MACF1: variants seen among roughly 807,000 people sequenced by gnomAD.
The protein encoded by MACF1 is microtubule actin crosslinking factor 1.
In MACF1, 193 loss-of-function variants were observed where a neutral mutation model predicts 854.8. That is an observed-to-expected ratio of 0.23 (90% CI 0.20 to 0.25). MACF1 has a LOEUF of 0.25. MACF1 is among the 10% of genes least tolerant of loss of function. The pLI is 1.00. For missense variants in MACF1, 7,722 were observed against 8,929.1 expected (o/e 0.86, Z 5.45); for synonymous variants, 3,185 against 3,226.7 (o/e 0.99, Z 0.44).
intron 1 of MACF1, among the ~76,000 whole-genome samples, chr1:39,205,738 T>G (rs1644442604): frequency 6.6e-6 from 1 of 152,130 alleles, no homozygotes; most frequent in African/African-American, 2.4e-5. Context: ...ATCATCTTGT[T>G]CAATGCAAGG....
intron 15 of MACF1, among the ~76,000 whole-genome samples, chr1:39,291,231 C>T (rs1214266581): frequency 6.6e-6 from 1 of 152,180 alleles, no homozygotes; most frequent in Non-Finnish European, 1.5e-5. Flanking sequence ...CCTGCCTCAG[C>T]CCCCCAAAGT....
intron 2 of MACF1, among the ~76,000 whole-genome samples, chr1:39,239,295 A>G (rs1644894878): frequency 1.3e-5 from 2 of 151,874 alleles, no homozygotes. Context: ...AAACAAACAA[A>G]CAAACAAACA....
chr1:39,223,132 G>T (rs1557526946), intron 1 of MACF1, among the ~76,000 whole-genome samples: 1 of 152,234 alleles, frequency 6.6e-6, no homozygotes, highest in African/African-American at 2.4e-5. Context: ...AGTAGTCAGA[G>T]AAGGGGAGAG....
chr1:39,159,789 A>G (rs1643759115), intron 2 of MACF1, among the ~76,000 whole-genome samples: 2 of 152,030 alleles, frequency 1.3e-5, no homozygotes, highest in Non-Finnish European at 2.9e-5. Flanking sequence ...TTTCATCAGT[A>G]GTTAGGATTC....
Position 39,317,316 on chromosome 1 carries a change from C to G in MACF1, c.3691C>G (p.Pro1231Ala), listed in dbSNP as rs370839433. ...VVAEQMSRLT[P>A]ERNLDLERYQ... ...GGCAGAGCAGATGAGTCGTCTGACA[C>G]CAGAGCGAAATCTGGATTTGGAGCG... Residue 1231 changes from proline to alanine, a missense_variant, in exon 29 of 101, where the codon CCA (proline) becomes GCA (alanine). Physicochemically the swap from Pro to Ala is conservative, Grantham distance 27 (BLOSUM62 -1). Transcript: ENST00000564288. The G allele has an allele frequency of 6.2e-7, 1 of 1,614,060 alleles. No homozygotes were observed. Among genetic ancestry groups the G allele is most frequent in the Non-Finnish European group, 8.5e-7 (1 of 1,180,016 alleles).
At position 39,387,985 on chromosome 1, in the gene MACF1, A is replaced by G; in HGVS notation, c.15143A>G (p.Asn5048Ser). The G allele has an allele frequency of 6.2e-7, 1 of 1,614,096 alleles. No individual in the cohort carries two copies. The highest frequency in any genetic ancestry group is 8.5e-7 in the Non-Finnish European group (1 of 1,180,024). ...GGTTCTCAAGCCTGTAGCAACAAGA[A>G]CCTGGAGAAGCTAAGAGCTCAACAG... The part of the protein sequence containing the change: ...ALGSQACSNK[N>S]LEKLRAQQEV... Residue 5048 changes from asparagine to serine, a missense_variant, in exon 58 of 101, where the codon AAC (asparagine) becomes AGC (serine). Physicochemically the swap from Asn to Ser is conservative, Grantham distance 46. Around this residue, in one of 15 missense-constraint regions of MACF1, gnomAD observed 2,807 missense variants for 3,235.8 expected, o/e 0.87. Transcript: ENST00000564288.
At chr1:39,417,417 A>G (rs1311674917) in intron 58 of MACF1, among the ~76,000 whole-genome samples, 1 of 152,222 alleles carries the variant, frequency 6.6e-6, no homozygotes, top group African/African-American at 2.4e-5. Context: ...TTTTTAAGCA[A>G]AAATTGGAGA....
chr1:39,295,248 A>G, intron 19 of MACF1, 98 bp downstream of exon 19: 1 of 979,096 alleles, frequency 1.0e-6, no homozygotes, highest in Non-Finnish European at 1.6e-6. Context: ...GACTTGGAGG[A>G]AGTGTCAGGG....
intron 58 of MACF1, among the ~76,000 whole-genome samples, chr1:39,403,847 G>GT (rs1475504299): frequency 6.6e-6 from 1 of 152,042 alleles, no homozygotes; most frequent in African/African-American, 2.4e-5. Context: ...TGGGCGGGGG[G>GT]GCCGGGCTTC....
At position 39,286,220 on chromosome 1, in the gene MACF1, C is replaced by T. The variant is rs1291931396; in HGVS notation, c.1508+462C>T. Among the ~76,000 whole-genome samples, 4 of 151,572 alleles carry T rather than the reference C, an allele frequency of 2.6e-5. No individual in the cohort carries two copies. The East Asian group carries it at 5.9e-4, about 22-fold the overall frequency. Reference sequence around the variant, plus strand: ...GTAGAGACGGGGTTTTGCCATTTTGCCCAGGCTGATCTCAATCTCCTGGGT... The same window carrying T: ...GTAGAGACGGGGTTTTGCCATTTTGTCCAGGCTGATCTCAATCTCCTGGGT... On this transcript the variant is annotated intron_variant, in intron 14 of 100. Coordinates refer to ENST00000564288, the MANE Select transcript of MACF1 (RefSeq NM_001394062.1).
intron 97 of MACF1, among the ~76,000 whole-genome samples, chr1:39,473,135 G>A (rs968241204): frequency 5.3e-5 from 8 of 152,154 alleles, no homozygotes; most frequent in Non-Finnish European, 8.8e-5. Context: ...ACGTGTAAGC[G>A]TACCCTGAGA....
At chr1:39,206,812 A>C (rs1644455450) in intron 1 of MACF1, 1 of 152,180 alleles carries the variant, frequency 6.6e-6, no homozygotes, top group Non-Finnish European at 1.5e-5. Flanking sequence ...TTTAAGATGC[A>C]TTTCATTTAT....
Position 39,468,698 on chromosome 1 carries a change from G to A in MACF1, c.21855G>A (p.Leu7285=). ...GCGTTGGTGGAGGATGGATGGCCTTGGATGAATTTTTAGTGAAAAATGATC... is the reference window on the plus strand; with the variant it reads ...GCGTTGGTGGAGGATGGATGGCCTTAGATGAATTTTTAGTGAAAAATGATC... ...MVRVGGGWMA[L]DEFLVKNDPC... is the part of the protein sequence containing the mutation. Residue 7285 remains leucine, a synonymous_variant, in exon 96 of 101, where the codon TTG becomes TTA. Coordinates refer to ENST00000564288, the MANE Select transcript of MACF1 (RefSeq NM_001394062.1). 1 of 1,614,176 alleles carries A rather than the reference G, an allele frequency of 6.2e-7. No homozygotes were observed. The highest frequency in any genetic ancestry group is 8.5e-7 in the Non-Finnish European group (1 of 1,180,032).
chr1:39,415,950 A>G (rs1248848223), intron 58 of MACF1, among the ~76,000 whole-genome samples: 2 of 152,228 alleles, frequency 1.3e-5, no homozygotes, highest in African/African-American at 2.4e-5. Flanking sequence ...GACTGAATGC[A>G]TGAATATCAA....
At chr1:39,412,745 G>T in intron 58 of MACF1, 1 of 1,613,422 alleles carries the variant, frequency 6.2e-7, no homozygotes. Context: ...TTAGAGGAAT[G>T]GATACCCGTC....
chr1:39,400,798 G>A (rs369641102), intron 58 of MACF1, among the ~76,000 whole-genome samples: 1 of 152,128 alleles, frequency 6.6e-6, no homozygotes, highest in East Asian at 1.9e-4. Flanking sequence ...ATGAGCCATT[G>A]TATCAAGCCT....
chr1:39,131,324 C>G (rs1642999574), intron 2 of MACF1, among the ~76,000 whole-genome samples: 1 of 151,126 alleles, frequency 6.6e-6, no homozygotes, highest in Admixed American at 6.6e-5. Flanking sequence ...GCCATCATGC[C>G]CAGCTCAGTT....
Position 39,380,638 on chromosome 1 carries a change from G to A in MACF1, c.13648+265G>A, listed in dbSNP as rs78415494. Among the ~76,000 whole-genome samples, 1,012 of 152,274 alleles carry A rather than the reference G, an allele frequency of 6.6e-3. 26 individuals carry two copies. In the Middle Eastern group the frequency reaches 0.068, roughly 10 times the overall value. On this transcript the variant is annotated intron_variant, in intron 55 of 100. Coordinates refer to ENST00000564288, the MANE Select transcript of MACF1 (RefSeq NM_001394062.1). Reference sequence around the variant, plus strand: ...GAACCAAAGAGAGGCCAGGAACAGTGCCTCACACCTGTAATCTCAGCACTT... The same window carrying A: ...GAACCAAAGAGAGGCCAGGAACAGTACCTCACACCTGTAATCTCAGCACTT...
chr1:39,469,711 G>C, intron 97 of MACF1, 96 bp downstream of exon 97: 1 of 978,312 alleles, frequency 1.0e-6, no homozygotes. Context: ...CTGTGTATCT[G>C]CTGCATTCAT....
Sources: gnomAD v4.1 joint callset for allele counts (sites outside exome capture counted in the v4.1 genomes callset) on GRCh38, gnomAD v4.1.1 for gene constraint, gnomAD v4.1.1 regional missense constraint, MANE v1.5 for transcripts, NCBI Gene and HGNC (gene_info 2026-07-23, HGNC 2026-07-21) for gene names.